Variants in SLC9A9 observed in about 807,000 individuals in gnomAD.
SLC9A9 encodes the protein sodium/hydrogen exchanger 9.
A neutral mutation model predicts 77.8 loss-of-function variants in SLC9A9; 62 were observed. The observed-to-expected ratio is 0.80, with a 90% CI of 0.65 to 0.98. The LOEUF (loss-of-function observed/expected upper bound fraction) is 0.98, where lower values mean the gene tolerates loss of function less well. Ranked by LOEUF, SLC9A9 falls within the 50% of genes least tolerant of loss-of-function variation. The pLI is 0.00. For synonymous variants in SLC9A9, 320 were observed against 283.5 expected, an observed-to-expected ratio of 1.13 and a Z score of -1.29; for missense variants, 775 against 774.9, an observed-to-expected ratio of 1.00 and a Z score of 0.00.
intron 4 of SLC9A9, among the ~76,000 whole-genome samples, chr3:143,711,187 CA>C (rs1298251888): frequency 6.6e-6 from 1 of 152,136 alleles, no homozygotes; most frequent in Non-Finnish European, 1.5e-5. Flanking sequence ...CGGAGAGCTT[CA>C]ACTGGTCTGT....
chr3:143,580,696 G>A (rs1231490976), intron 6 of SLC9A9, among the ~76,000 whole-genome samples: 16 of 152,182 alleles, frequency 1.1e-4, no homozygotes, highest in Non-Finnish European at 1.8e-4. Context: ...CTGATCTGTA[G>A]TCTGCACTTT....
intron 2 of SLC9A9, among the ~76,000 whole-genome samples, chr3:143,806,422 GA>G (rs953027580): frequency 4.6e-4 from 70 of 152,080 alleles, no homozygotes; most frequent in African/African-American, 1.5e-3. Context: ...ATTAAATTGG[GA>G]TCGTATCAAG....
chr3:143,663,277 A>G (rs1401764225), intron 5 of SLC9A9, among the ~76,000 whole-genome samples: 1 of 152,118 alleles, frequency 6.6e-6, no homozygotes, highest in Admixed American at 6.6e-5. Context: ...AACACCAACA[A>G]AAAGGACATC....
chr3:143,623,405 A>G (rs1462775309), intron 6 of SLC9A9, among the ~76,000 whole-genome samples: 1 of 152,246 alleles, frequency 6.6e-6, no homozygotes. Flanking sequence ...AGAAATTATA[A>G]CAAACTGTCT....
intron 2 of SLC9A9, 81 bp downstream of exon 2, chr3:143,831,938 A>C: frequency 7.8e-7 from 1 of 1,277,718 alleles, no homozygotes; most frequent in Non-Finnish European, 1.1e-6. Flanking sequence ...TGAATGCATT[A>C]TATAAAAAGT....
intron 5 of SLC9A9, among the ~76,000 whole-genome samples, chr3:143,661,695 C>T (rs891450157): frequency 3.9e-5 from 6 of 152,122 alleles, no homozygotes; most frequent in African/African-American, 1.2e-4. Context: ...CCATCCCTTC[C>T]TCTATTTTTA....
At chr3:143,706,646 G>A (rs7625330) in intron 4 of SLC9A9, among the ~76,000 whole-genome samples, 100,495 of 151,980 alleles carry the variant, frequency 0.66, 33,547 homozygotes, top group African/African-American at 0.69. Context: ...TGAAGACTGC[G>A]GATTGCCTGG....
At chr3:143,415,639 A>G (rs1018781098) in intron 12 of SLC9A9, among the ~76,000 whole-genome samples, 3 of 152,242 alleles carry the variant, frequency 2.0e-5, no homozygotes, top group African/African-American at 4.8e-5. Context: ...ACTCATTGAC[A>G]ATGCACCTAG....
chr3:143,657,801 TTAAA>T (rs1225995443), intron 5 of SLC9A9, among the ~76,000 whole-genome samples: 6 of 152,236 alleles, frequency 3.9e-5, no homozygotes, highest in Non-Finnish European at 7.3e-5. Flanking sequence ...GATTGTTATT[TTAAA>T]TAAATTAATA....
intron 14 of SLC9A9, among the ~76,000 whole-genome samples, chr3:143,339,069 T>C (rs2032012389): frequency 6.6e-6 from 1 of 152,194 alleles, no homozygotes; most frequent in African/African-American, 2.4e-5. Context: ...AATTTAAATC[T>C]TATTTCTGTC....
chr3:143,706,862 G>A (rs1010140023), intron 4 of SLC9A9, among the ~76,000 whole-genome samples: 1 of 152,154 alleles, frequency 6.6e-6, no homozygotes, highest in Non-Finnish European at 1.5e-5. Flanking sequence ...TGTATTTTAT[G>A]TATGGCTCAA....
intron 14 of SLC9A9, among the ~76,000 whole-genome samples, chr3:143,314,050 G>A (rs926723985): frequency 2.6e-5 from 4 of 152,178 alleles, no homozygotes; most frequent in African/African-American, 9.7e-5. Flanking sequence ...CTGTGCCTGT[G>A]CCCACCTGCA....
Position 143,821,198 on chromosome 3 carries a change from C to T in SLC9A9, c.378+10821G>A, listed in dbSNP as rs534556411. Among the ~76,000 whole-genome samples, 4 of 152,290 alleles carry T rather than the reference C, an allele frequency of 2.6e-5. No homozygotes were observed. In the South Asian group the frequency reaches 8.3e-4, roughly 32 times the overall value. On this transcript the variant is annotated intron_variant, in intron 2 of 15. Transcript: ENST00000316549. The stretch of plus-strand genomic sequence containing the variant: ...TAAATGGTACAATAAAAAGCAACAC[C>T]AATCTTTCTCCATCACACGCTCCTC...
At chr3:143,811,963 G>A (rs907509972) in intron 2 of SLC9A9, among the ~76,000 whole-genome samples, 2 of 152,066 alleles carry the variant, frequency 1.3e-5, no homozygotes, top group African/African-American at 2.4e-5. Context: ...GAGAATATGA[G>A]GCACAAGGAA....
At position 143,623,082 on chromosome 3, in the gene SLC9A9, C is replaced by T. The variant is rs141371617; in HGVS notation, c.755+29173G>A. Among the ~76,000 whole-genome samples the T allele has an allele frequency of 1.4e-4, 22 of 152,288 alleles. 1 individual carries two copies. The highest frequency in any genetic ancestry group is 5.1e-4 in the African/African-American group (21 of 41,556). Reference sequence around the variant, plus strand: ...GAGCTAACTATCCTAAATATATGTGCACCCAATATAGGAGCACCCAGATTC... The same window carrying T: ...GAGCTAACTATCCTAAATATATGTGTACCCAATATAGGAGCACCCAGATTC... On this transcript the variant is annotated intron_variant, in intron 6 of 15. Transcript: ENST00000316549.
chr3:143,343,627 C>T (rs1393663078), intron 14 of SLC9A9: 1 of 152,178 alleles, frequency 6.6e-6, no homozygotes, highest in African/African-American at 2.4e-5. Context: ...GAGTCTACCA[C>T]TGATTCTTCA....
chr3:143,352,983 C>T (rs745735673), intron 14 of SLC9A9, among the ~76,000 whole-genome samples: 48 of 152,144 alleles, frequency 3.2e-4, no homozygotes, highest in Non-Finnish European at 5.9e-4. Context: ...TTTTCTTAAC[C>T]GGGACACATG....
intron 9 of SLC9A9, among the ~76,000 whole-genome samples, chr3:143,515,435 A>G (rs1004722530): frequency 5.1e-4 from 78 of 152,230 alleles, no homozygotes; most frequent in African/African-American, 1.8e-3. Flanking sequence ...CAGTATCTGT[A>G]AAGCACAATA....
chr3:143,831,087 C>A (rs1321331904), intron 2 of SLC9A9, among the ~76,000 whole-genome samples: 1 of 151,980 alleles, frequency 6.6e-6, no homozygotes, highest in African/African-American at 2.4e-5. Context: ...CAAGTACCTC[C>A]CCTTCTGTTC....
Sources: allele counts gnomAD v4.1 joint callset (sites outside exome capture counted in the v4.1 genomes callset), GRCh38; gene constraint gnomAD v4.1.1; transcripts MANE v1.5; gene names NCBI Gene and HGNC (gene_info 2026-07-23, HGNC 2026-07-21).